The following COBL variants were observed in gnomAD, a reference collection of about 807,000 sequenced individuals.
The protein encoded by COBL is cordon-bleu WH2 repeat protein, also known as protein cordon-bleu.
Under a neutral mutation model 98.8 loss-of-function variants are expected in COBL, and 51 were observed. The observed-to-expected ratio is 0.52, with a 90% confidence interval of 0.41 to 0.65. The LOEUF (loss-of-function observed/expected upper bound fraction) is 0.65, where lower values mean the gene tolerates loss of function less well. COBL is among the 30% of genes least tolerant of loss of function. The pLI is 0.00. For synonymous variants in COBL, 634 were observed against 651.7 expected (o/e 0.97, Z 0.41); for missense variants, 1,617 against 1,617.5 (o/e 1.00, Z 0.01).
intron 1 of COBL, among the ~76,000 whole-genome samples, chr7:51,264,781 G>A (rs1280634485): frequency 6.6e-6 from 1 of 152,012 alleles, no homozygotes; most frequent in Non-Finnish European, 1.5e-5. Flanking sequence ...GAGGTAGAGG[G>A]CAAGTGGGGT....
intron 7 of COBL, among the ~76,000 whole-genome samples, chr7:51,054,055 C>G (rs1378006196): frequency 6.6e-6 from 1 of 152,088 alleles, no homozygotes; most frequent in East Asian, 1.9e-4. Flanking sequence ...GTGGTGTGTG[C>G]CTGTAATCCC....
intron 12 of COBL, among the ~76,000 whole-genome samples, chr7:51,021,872 T>C (rs947134668): frequency 4.6e-5 from 7 of 152,034 alleles, no homozygotes; most frequent in African/African-American, 1.7e-4. Flanking sequence ...CACAAATGAG[T>C]AGACAGGGCA....
At chr7:51,063,842 T>A (rs1362694970) in intron 7 of COBL, among the ~76,000 whole-genome samples, 2 of 152,214 alleles carry the variant, frequency 1.3e-5, no homozygotes, top group Non-Finnish European at 2.9e-5. Context: ...CCCGAAACAT[T>A]TCTAAATGTT....
At chr7:51,298,707 G>C (rs1481620881) in intron 1 of COBL, among the ~76,000 whole-genome samples, 2 of 152,216 alleles carry the variant, frequency 1.3e-5, no homozygotes, top group Non-Finnish European at 1.5e-5. Flanking sequence ...TGGTGCAAAT[G>C]TGTAAATTTT....
intron 1 of COBL, among the ~76,000 whole-genome samples, chr7:51,231,100 A>T (rs1338381626): frequency 2.6e-5 from 4 of 152,244 alleles, no homozygotes; most frequent in African/African-American, 9.6e-5. Flanking sequence ...TTTGGGTTGT[A>T]TTTGGGATAA....
At chr7:51,077,795 A>T (rs539324995) in intron 7 of COBL, among the ~76,000 whole-genome samples, 31 of 152,334 alleles carry the variant, frequency 2.0e-4, no homozygotes. Context: ...AGAAAATGAG[A>T]AGTGTAGGTG....
At chr7:51,148,850 G>T (rs1268992244) in intron 5 of COBL, among the ~76,000 whole-genome samples, 4 of 142,966 alleles carry the variant, frequency 2.8e-5, no homozygotes. Context: ...GAGGACCACT[G>T]CTCCAGGCAT....
intron 4 of COBL, among the ~76,000 whole-genome samples, chr7:51,190,644 G>A (rs941352629): frequency 6.6e-6 from 1 of 152,144 alleles, no homozygotes; most frequent in African/African-American, 2.4e-5. Flanking sequence ...GTTCAGGGCT[G>A]GGAGAAAGGA....
intron 2 of COBL, among the ~76,000 whole-genome samples, chr7:51,211,230 T>C (rs1484019513): frequency 6.6e-6 from 1 of 152,164 alleles, no homozygotes; most frequent in African/African-American, 2.4e-5. Flanking sequence ...ATCTGCAGCT[T>C]TGCCCATTGA....
rs192299521 is a variant in COBL at position 51,267,624 on chromosome 7, G to C, written c.42-47680C>G. On this transcript the variant is annotated intron_variant, in intron 1 of 12. Transcript: ENST00000265136. ...GGGTTGCTCTCTGTCACCCAGGCTG[G>C]AGTACAGTAGCGCAATCTCAGCTCA... Among the ~76,000 whole-genome samples the C allele has an allele frequency of 2.8e-3, 433 of 152,232 alleles. 7 individuals carry two copies. Among genetic ancestry groups the C allele is most frequent in the African/African-American group, 9.9e-3 (410 of 41,530 alleles).
intron 7 of COBL, among the ~76,000 whole-genome samples, chr7:51,068,533 T>A (rs1792196766): frequency 6.6e-6 from 1 of 152,248 alleles, no homozygotes; most frequent in Admixed American, 6.5e-5. Flanking sequence ...TATATAGTTG[T>A]GTGCATGTCT....
At chr7:51,061,981 A>ACACACACACACACACACACACT (rs1322943132) in intron 7 of COBL, among the ~76,000 whole-genome samples, 1 of 150,506 alleles carries the variant, frequency 6.6e-6, no homozygotes, top group African/African-American at 2.5e-5. Flanking sequence ...ACACACACAC[A>ACACACACACACACACACACACT]CTCATAAATA....
At chr7:51,087,733 C>T (rs942400524) in intron 6 of COBL, among the ~76,000 whole-genome samples, 4 of 150,000 alleles carry the variant, frequency 2.7e-5, no homozygotes, top group Middle Eastern at 3.5e-3. Flanking sequence ...CTCGGCCTCC[C>T]GAATTGCTGG....
chr7:51,035,098 T>C (rs1486915899), intron 8 of COBL: 2 of 152,084 alleles, frequency 1.3e-5, no homozygotes, highest in Non-Finnish European at 2.9e-5. Context: ...GGTCGGAGGG[T>C]GGCAGGCTGA....
At chr7:51,160,453 G>T (rs1355603506) in intron 5 of COBL, among the ~76,000 whole-genome samples, 1 of 152,100 alleles carries the variant, frequency 6.6e-6, no homozygotes, top group African/African-American at 2.4e-5. Context: ...CTTTCATAAA[G>T]AAAACCTCCC....
intron 6 of COBL, among the ~76,000 whole-genome samples, chr7:51,104,335 G>A (rs1796066636): frequency 6.6e-6 from 1 of 152,230 alleles, no homozygotes; most frequent in African/African-American, 2.4e-5. Flanking sequence ...TGACCAAAAA[G>A]ATTATGAGCC....
chr7:51,071,730 C>A (rs1355773286), intron 7 of COBL: 1 of 152,172 alleles, frequency 6.6e-6, no homozygotes, highest in Non-Finnish European at 1.5e-5. Context: ...ATAGCTACTT[C>A]TTACACAAAT....
chr7:51,093,153 A>T (rs1794970260), intron 6 of COBL, among the ~76,000 whole-genome samples: 1 of 152,240 alleles, frequency 6.6e-6, no homozygotes, highest in Non-Finnish European at 1.5e-5. Flanking sequence ...AATAACCAAA[A>T]TATGTAAGAA....
intron 7 of COBL, among the ~76,000 whole-genome samples, chr7:51,049,158 A>C (rs1790002045): frequency 6.6e-6 from 1 of 152,244 alleles, no homozygotes; most frequent in African/African-American, 2.4e-5. Context: ...TTGGTTGGAA[A>C]GAAAAATTGG....
Sources: allele counts gnomAD v4.1 joint callset (sites outside exome capture counted in the v4.1 genomes callset), GRCh38; gene constraint gnomAD v4.1.1; transcripts MANE v1.5; gene names NCBI Gene and HGNC (gene_info 2026-07-23, HGNC 2026-07-21).